Variants in TEAD3 observed in about 807,000 individuals in gnomAD.
TEAD3 encodes TEA domain transcription factor 3, also known as transcriptional enhancer factor TEF-5.
TEAD3 carries 15 observed loss-of-function variants against 55.6 expected under a neutral mutation model. That is an observed-to-expected ratio of 0.27 (90% CI 0.18 to 0.42). TEAD3 has a LOEUF of 0.42. Among genes scored for constraint, TEAD3 ranks in the 10% least tolerant of loss-of-function variants. The pLI, the probability that TEAD3 is intolerant of heterozygous loss-of-function variation, is 1.00. For synonymous variants in TEAD3, 210 were observed against 232.2 expected, an observed-to-expected ratio of 0.90 and a Z score of 0.87; for missense variants, 407 against 576.8, an observed-to-expected ratio of 0.71 and a Z score of 3.01.
rs1768397070 is a variant in TEAD3 at position 35,486,956 on chromosome 6, T to C, written c.-49-245A>G. Among the ~76,000 whole-genome samples the C allele has an allele frequency of 6.6e-6, 1 of 152,202 alleles. No homozygotes were observed. Among genetic ancestry groups the C allele is most frequent in the African/African-American group, 2.4e-5 (1 of 41,452 alleles). On this transcript the variant is annotated intron_variant, in intron 1 of 12. Transcript: ENST00000639578. This position sits in a 1 kb window ranked among gnomAD's most constrained non-coding sequence, Gnocchi z 7.3. ...CCTGTAAAACGAGAAAAGGGTCTCC[T>C]TGAGGAGACCTCCTTGAGGTTGTGA...
exon 4 of TEAD3, chr6:35,480,091 C>T (rs772230204): frequency 1.4e-5 from 21 of 1,537,696 alleles, no homozygotes; most frequent in African/African-American, 2.7e-5. Flanking sequence ...CCGAGATTTC[C>T]GCCTGGCTAG....
At chr6:35,477,148 G>A (rs150797878) in intron 8 of TEAD3, among the ~76,000 whole-genome samples, 163 bp downstream of exon 8, 3 of 152,312 alleles carry the variant, frequency 2.0e-5, no homozygotes, top group Middle Eastern at 3.4e-3. Context: ...CAGAGATCTG[G>A]AAGCAACATT....
intron 4 of TEAD3, 90 bp from the exon 5 acceptor site, chr6:35,479,406 G>A (rs777812475): frequency 1.3e-6 from 2 of 1,513,836 alleles, no homozygotes; most frequent in Non-Finnish European, 1.8e-6. Flanking sequence ...CCTCCACCCA[G>A]TGCCCATGGG....
chr6:35,486,587 C>A lies in TEAD3; in HGVS notation c.76G>T (p.Gly26Trp), dbSNP rs967189160. 3.7e-6 allele frequency: 6 copies of A among 1,613,438 alleles called. No individual in the cohort carries two copies. The African/African-American group carries it at 8.0e-5, about 22-fold the overall frequency. The change falls in exon 2 of 13, where the codon GGG (glycine) becomes TGG (tryptophan). Residue 26 changes from glycine to tryptophan, a missense_variant. Coordinates refer to ENST00000639578, the Ensembl canonical transcript of TEAD3. This position sits in a 1 kb window ranked among gnomAD's most constrained non-coding sequence, Gnocchi z 7.3. ...ACGCCCTCCGCATCGTTGTCCAGCC[C>A]CTTGTCCAGGCCCTCGGGCCCATCC... is the stretch of plus-strand genomic sequence containing the variant.
In TEAD3 at chr6:35,491,395, G is replaced by A. The variant is rs1261642030; in HGVS notation, c.-49-4684C>T. Among the ~76,000 whole-genome samples, 1 of 152,046 alleles carries A rather than the reference G, an allele frequency of 6.6e-6. No homozygotes were observed. Among genetic ancestry groups the A allele is most frequent in the Non-Finnish European group, 1.5e-5 (1 of 67,994 alleles). On this transcript the variant is annotated intron_variant, in intron 1 of 12. Transcript: ENST00000639578. This position sits in a 1 kb window ranked among gnomAD's most constrained non-coding sequence, Gnocchi z 4.4. The stretch of plus-strand genomic sequence containing the variant: ...TCAGATATGATAGGCATCGAGGGAG[G>A]GGCAGACCAGGAGGGGATGGGGAGA...
chr6:35,479,576 A>T (rs1175720372), intron 4 of TEAD3, among the ~76,000 whole-genome samples: 1 of 152,218 alleles, frequency 6.6e-6, no homozygotes, highest in African/African-American at 2.4e-5. Context: ...GGCTCTGGGC[A>T]TGGGGGCCTG....
intron 8 of TEAD3, 117 bp downstream of exon 8, chr6:35,477,194 A>T: frequency 9.5e-7 from 1 of 1,057,348 alleles, no homozygotes; most frequent in Non-Finnish European, 1.4e-6. Context: ...GCCTGTCCCA[A>T]TCTCCTGTAG....
In TEAD3 at chr6:35,476,598, C is replaced by T. The variant is rs1028653822; in HGVS notation, c.593-163G>A. ...ACAGTGTACAACCTGCACAACCATA[C>T]GTGGTGGCCCTAGTAGTATATATCA... On this transcript the variant is annotated intron_variant, in intron 8 of 12. Coordinates refer to ENST00000639578, the Ensembl canonical transcript of TEAD3. Among the ~76,000 whole-genome samples the T allele has an allele frequency of 3.3e-5, 5 of 152,164 alleles. 1 individual carries two copies. The highest frequency in any genetic ancestry group is 4.1e-4 in the South Asian group (2 of 4,828).
chr6:35,473,629 A>ATTTTTTTTT (rs569676341), downstream of TEAD3: 1 of 123,778 alleles, frequency 8.1e-6, no homozygotes, highest in African/African-American at 3.2e-5. Context: ...AATAACTTTA[A>ATTTTTTTTT]TTTTTTTTTT....
intron 1 of TEAD3, among the ~76,000 whole-genome samples, chr6:35,495,349 G>A (rs1413744583): frequency 6.6e-6 from 1 of 152,190 alleles, no homozygotes; most frequent in Non-Finnish European, 1.5e-5. Context: ...CTCTGTCCTG[G>A]CAACCACTGA....
chr6:35,489,389 T>C (rs1470032446), intron 1 of TEAD3, among the ~76,000 whole-genome samples: 1 of 152,194 alleles, frequency 6.6e-6, no homozygotes, highest in Admixed American at 6.5e-5. Flanking sequence ...AGGAAGGTTA[T>C]AGGGAGGGTG....
intron 1 of TEAD3, among the ~76,000 whole-genome samples, chr6:35,493,253 T>TGC (rs1768569151): frequency 6.6e-6 from 1 of 152,202 alleles, no homozygotes; most frequent in East Asian, 1.9e-4. Flanking sequence ...AAGTGTACAA[T>TGC]TGAGAGGCAT....
rs554824798 is a variant in TEAD3, at chr6:35,485,188, C to T, written c.203-564G>A. Among the ~76,000 whole-genome samples the T allele has an allele frequency of 5.3e-5, 8 of 152,286 alleles. No homozygotes were observed. The East Asian group carries it at 7.7e-4, about 15-fold the overall frequency. On this transcript the variant is annotated intron_variant, in intron 2 of 12. Coordinates refer to ENST00000639578, the Ensembl canonical transcript of TEAD3. This position sits in a 1 kb window ranked among gnomAD's most constrained non-coding sequence, Gnocchi z 4.3. ...GGAAGGACAGGAAGGCAGCACTGAC[C>T]GCCTCCAATGTGCCTCCTACACTGG...
chr6:35,474,681 G>A, downstream of TEAD3: 1 of 232,368 alleles, frequency 4.3e-6, no homozygotes. Context: ...GCCCTCACCT[G>A]CCCATCATGC....
At position 35,486,510 on chromosome 6, in the gene TEAD3, C is replaced by A; in HGVS notation, c.153G>T (p.Pro51=). 6.2e-7 allele frequency: 1 copy of A among 1,613,554 alleles called. No homozygotes were observed. The highest frequency in any genetic ancestry group is 8.5e-7 in the Non-Finnish European group (1 of 1,179,760). ...GGATGATCTTCCGCCGGCCGCAGGG[C>A]GGGTAGATGGCCAGGGCCTCCTGGA... The change falls in exon 2 of 13, where the codon CCG becomes CCT. Residue 51 remains proline (P), a synonymous_variant. Transcript: ENST00000639578. This position sits in a 1 kb window ranked among gnomAD's most constrained non-coding sequence, Gnocchi z 7.3.
intron 6 of TEAD3, 25 bp from the exon 7 acceptor site, chr6:35,478,349 G>A: frequency 6.2e-7 from 1 of 1,613,730 alleles, no homozygotes; most frequent in Non-Finnish European, 8.5e-7. Flanking sequence ...CAAGGCCCAG[G>A]GGCCCCTCAG....
chr6:35,477,429 G>C, intron 7 of TEAD3, 57 bp from the exon 8 acceptor site: 1 of 1,521,388 alleles, frequency 6.6e-7, no homozygotes. Flanking sequence ...CTTCCACCTG[G>C]CCCAGCCCCT....
At position 35,475,171 on chromosome 6, in the gene TEAD3, A is replaced by C; in HGVS notation, c.1195-14T>G. 6.4e-7 allele frequency: 1 copy of C among 1,571,950 alleles called. No individual in the cohort carries two copies. Among genetic ancestry groups the C allele is most frequent in the Non-Finnish European group, 8.6e-7 (1 of 1,158,136 alleles). ...GCTCGTGACCACCTGGGGGGTGAGC[A>C]GGTAAGAGATTCAGGAGGTCAGGGA... is the stretch of plus-strand genomic sequence containing the variant. On this transcript the variant is annotated splice_polypyrimidine_tract_variant and intron_variant, in intron 12 of 12. Coordinates refer to ENST00000639578, the Ensembl canonical transcript of TEAD3. The surrounding 1 kb of genome is among the most constrained non-coding windows in gnomAD (Gnocchi z 5.4).
chr6:35,477,838 C>CT (rs1309459939), intron 7 of TEAD3, among the ~76,000 whole-genome samples: 6 of 148,664 alleles, frequency 4.0e-5, no homozygotes, highest in East Asian at 2.0e-4. Flanking sequence ...CACTCTCCAG[C>CT]TTTTTTTTTT....
Sources: gnomAD v4.1 joint callset for allele counts (sites outside exome capture counted in the v4.1 genomes callset) on GRCh38, gnomAD v4.1.1 for gene constraint, Gnocchi (gnomAD v3.1) non-coding constraint, MANE v1.5 for transcripts, NCBI Gene and HGNC (gene_info 2026-07-23, HGNC 2026-07-21) for gene names.